Variants in ZBTB46 observed in about 807,000 individuals in gnomAD.
The protein encoded by ZBTB46 is zinc finger and BTB domain-containing protein 46.
In ZBTB46, 8 loss-of-function variants were observed where a neutral mutation model predicts 44.1. The observed-to-expected ratio is 0.18, with a 90% confidence interval of 0.11 to 0.33. ZBTB46 has a LOEUF of 0.33. Ranked by LOEUF, ZBTB46 falls within the 10% of genes least tolerant of loss-of-function variation. The pLI, the probability that ZBTB46 is intolerant of heterozygous loss-of-function variation, is 1.00. For missense variants in ZBTB46, 651 were observed against 847.7 expected (o/e 0.77, Z 2.88); for synonymous variants, 409 against 382.3 (o/e 1.07, Z -0.81).
At chr20:63,751,922 C>A (rs1267437934) in intron 4 of ZBTB46, among the ~76,000 whole-genome samples, 1 of 152,110 alleles carries the variant, frequency 6.6e-6, no homozygotes, top group Non-Finnish European at 1.5e-5. Flanking sequence ...GACTCTCCTG[C>A]GATTCCTAAA....
At chr20:63,830,584 T>A (rs1203100664) in intron 1 of ZBTB46, among the ~76,000 whole-genome samples, 1 of 149,518 alleles carries the variant, frequency 6.7e-6, no homozygotes, top group Non-Finnish European at 1.5e-5. Flanking sequence ...CTTGGCAAAC[T>A]CGGCGCGGGC....
intron 3 of ZBTB46, among the ~76,000 whole-genome samples, chr20:63,757,061 T>C (rs2092227191): frequency 6.6e-6 from 1 of 152,220 alleles, no homozygotes; most frequent in Non-Finnish European, 1.5e-5. Context: ...TTGCCAATTT[T>C]CCAAAGATTT....
rs536486903 is a variant in ZBTB46, at chr20:63,821,184, CT to C, written c.-34+9912del. Reference sequence around the variant, plus strand: ...ACAGGCGTGAGCCACTGCGCCCGGCCTTTTTTTTTTTTTTCAGTAGAGACAG... The same window carrying C: ...ACAGGCGTGAGCCACTGCGCCCGGCCTTTTTTTTTTTTTCAGTAGAGACAG... On this transcript the variant is annotated intron_variant, in intron 1 of 4. Transcript: ENST00000245663. Among the ~76,000 whole-genome samples the C allele has an allele frequency of 1.7e-3, 243 of 139,970 alleles. 1 individual carries two copies. The highest frequency in any genetic ancestry group is 4.5e-3 in the Admixed American group (62 of 13,902). The allele number at this position is 139,970 out of a possible 152,430, so 91.8% of individuals were successfully genotyped here.
intron 1 of ZBTB46, among the ~76,000 whole-genome samples, chr20:63,794,579 T>C (rs2092586301): frequency 6.6e-6 from 1 of 152,204 alleles, no homozygotes; most frequent in African/African-American, 2.4e-5. Flanking sequence ...ACAGGGAAGT[T>C]CTAGGAGAAT....
chr20:63,759,896 T>C (rs181349833), intron 3 of ZBTB46, among the ~76,000 whole-genome samples: 96 of 152,356 alleles, frequency 6.3e-4, no homozygotes, highest in Non-Finnish European at 1.2e-3. Context: ...ATTGAGGTGA[T>C]ATAGCGGGTT....
chr20:63,775,837 G>A lies in ZBTB46; in HGVS notation c.1063C>T (p.Pro355Ser), dbSNP rs761577744. The A allele has an allele frequency of 1.2e-6, 2 of 1,613,516 alleles. No homozygotes were observed. Among genetic ancestry groups the A allele is most frequent in the South Asian group, 2.2e-5 (2 of 91,080 alleles). ...TGATGCAGGGCGTCGTCCTTCTCTG[G>A]GGTGAGGGGAGGGCCCAGATAGCTG... ...EASYLGPPLT[P>S]EKDDALHQAT... Residue 355 changes from proline to serine, a missense_variant, in exon 3 of 5, where the codon CCA (proline) becomes TCA (serine). Physicochemically the swap from Pro to Ser is moderately conservative, Grantham distance 74. Around this residue, in one of 5 missense-constraint regions of ZBTB46, gnomAD observed 385 missense variants for 423.3 expected, o/e 0.91. Transcript: ENST00000245663.
At position 63,754,497 on chromosome 20, in the gene ZBTB46, T is replaced by C. The variant is rs547261211; in HGVS notation, c.1223-1636A>G. 3.3e-5 allele frequency among the ~76,000 whole-genome samples: 5 copies of C among 152,328 alleles called. No homozygotes were observed. The East Asian group carries it at 9.6e-4, about 29-fold the overall frequency. The stretch of plus-strand genomic sequence containing the variant: ...TTTTAAACAAGATGAGGTCTCGCCA[T>C]GTTGCCCAGGCTGGTCTTGAACTCC... On this transcript the variant is annotated intron_variant, in intron 3 of 4. Transcript: ENST00000245663.
intron 2 of ZBTB46, among the ~76,000 whole-genome samples, chr20:63,783,975 G>A (rs1430911755): frequency 9.2e-5 from 14 of 152,190 alleles, no homozygotes; most frequent in African/African-American, 3.1e-4. Context: ...CAGGAGGGCC[G>A]AGATGCCACG....
chr20:63,796,103 C>T (rs914909128), intron 1 of ZBTB46, among the ~76,000 whole-genome samples: 16 of 152,256 alleles, frequency 1.1e-4, no homozygotes, highest in Non-Finnish European at 2.4e-4. Context: ...TGAATATACT[C>T]CATTTGCTGC....
intron 1 of ZBTB46, among the ~76,000 whole-genome samples, chr20:63,817,909 C>T (rs2092769264): frequency 6.6e-6 from 1 of 152,100 alleles, no homozygotes; most frequent in Non-Finnish European, 1.5e-5. Context: ...GAAGAGTGGC[C>T]CCGTCCACCC....
intron 3 of ZBTB46, among the ~76,000 whole-genome samples, chr20:63,760,711 C>T (rs1484968472): frequency 6.6e-6 from 1 of 152,152 alleles, no homozygotes; most frequent in Non-Finnish European, 1.5e-5. Flanking sequence ...CCTGCCTCGG[C>T]CTCTCAAAGT....
At chr20:63,775,174 GCATCTTTAAAAGTCA>G (rs2092413931) in intron 3 of ZBTB46, 2 of 154,148 alleles carry the variant, frequency 1.3e-5, no homozygotes, top group Admixed American at 6.5e-5. Flanking sequence ...AACCTCCGAC[GCATCTTTAAAAGTCA>G]CACGCCACCA....
At chr20:63,817,585 A>G (rs4578911) in intron 1 of ZBTB46, among the ~76,000 whole-genome samples, 15,057 of 150,086 alleles carry the variant, frequency 0.1, 1,209 homozygotes, top group African/African-American at 0.22. Context: ...GCGTGGTGGC[A>G]CACGCCTGTA....
intron 1 of ZBTB46, among the ~76,000 whole-genome samples, chr20:63,806,056 T>G (rs2092679403): frequency 6.6e-6 from 1 of 150,512 alleles, no homozygotes; most frequent in Non-Finnish European, 1.5e-5. Context: ...ATTACACGCA[T>G]GAGCCACCAT....
At chr20:63,820,869 C>A (rs1332982610) in intron 1 of ZBTB46, among the ~76,000 whole-genome samples, 2 of 151,794 alleles carry the variant, frequency 1.3e-5, no homozygotes, top group African/African-American at 4.8e-5. Flanking sequence ...TCTGGGACTA[C>A]AGGTGTCTGC....
rs539783606 is a variant in ZBTB46, at chr20:63,827,641, C to A, written c.-34+3456G>T. On this transcript the variant is annotated intron_variant, in intron 1 of 4. Transcript: ENST00000245663. ...AAAAAAAAAAAACAAAAAAAAAAAA[C>A]CACAAAAGATCTGCAAATGCTTTTG... is the stretch of plus-strand genomic sequence containing the variant. Among the ~76,000 whole-genome samples, 640 of 148,458 alleles carry A rather than the reference C, an allele frequency of 4.3e-3. 5 individuals carry two copies. Among genetic ancestry groups the A allele is most frequent in the African/African-American group, 0.013 (539 of 40,586 alleles).
At chr20:63,808,005 G>C (rs578255102) in intron 1 of ZBTB46, 2 of 152,106 alleles carry the variant, frequency 1.3e-5, no homozygotes, top group Admixed American at 6.6e-5. Context: ...GGACACTCAC[G>C]GAAGCTGAAC....
chr20:63,808,976 CAAAAAAAA>C (rs1157399042), intron 1 of ZBTB46, among the ~76,000 whole-genome samples: 7 of 75,234 alleles, frequency 9.3e-5, no homozygotes, highest in Non-Finnish European at 1.4e-4. Context: ...GACTCCGCTT[CAAAAAAAA>C]AAAAAAAAAA....
chr20:63,811,724 GCTGT>G (rs1303526476), intron 1 of ZBTB46, among the ~76,000 whole-genome samples: 1 of 152,080 alleles, frequency 6.6e-6, no homozygotes, highest in African/African-American at 2.4e-5. Context: ...GAGAGCTGCT[GCTGT>G]CTGACTCCCT....
Sources: allele counts gnomAD v4.1 joint callset (sites outside exome capture counted in the v4.1 genomes callset), GRCh38; gene constraint gnomAD v4.1.1; regional missense constraint gnomAD v4.1.1; transcripts MANE v1.5; gene names NCBI Gene and HGNC (gene_info 2026-07-23, HGNC 2026-07-21).